OR4K1: variants seen among roughly 807,000 people sequenced by gnomAD.
OR4K1 encodes olfactory receptor family 4 subfamily K member 1.
In OR4K1, 16 loss-of-function variants were observed where a neutral mutation model predicts 14.4. The observed-to-expected ratio is 1.11, with a 90% CI of 0.75 to 1.68. The LOEUF (loss-of-function observed/expected upper bound fraction) is 1.68, where lower values mean the gene tolerates loss of function less well. Among genes scored for constraint, OR4K1 ranks in the 40% most tolerant of loss-of-function variants. The pLI is 0.00. For synonymous variants in OR4K1, 181 were observed against 133.1 expected (o/e 1.36, Z -2.48); for missense variants, 548 against 376.9 (o/e 1.45, Z -3.76).
chr14:19,936,678 T>C lies in OR4K1; in HGVS notation c.*76T>C. 2 of 1,347,688 alleles carry C rather than the reference T, an allele frequency of 1.5e-6. No homozygotes were observed. The highest frequency in any genetic ancestry group is 1.9e-4 in the Middle Eastern group (1 of 5,358). 83.5% of individuals were successfully genotyped at this position (1,347,688 alleles called of 1,614,324 possible). A position where few individuals can be genotyped will look rare whatever the true frequency, so the allele number is the denominator to read the frequency against. Reference sequence around the variant, plus strand: ...GTATCATAGTGTCATGCCAACCATCTTTGCCAGACATATGGGTTATTGAGT... The same window carrying C: ...GTATCATAGTGTCATGCCAACCATCCTTGCCAGACATATGGGTTATTGAGT... On this transcript the variant is annotated 3_prime_UTR_variant, in exon 2 of 2. Transcript: ENST00000641172.
In OR4K1 at chr14:19,936,667, T is replaced by G. The variant is rs1467379135; in HGVS notation, c.*65T>G. The G allele has an allele frequency of 2.8e-6, 4 of 1,423,184 alleles. No individual in the cohort carries two copies. The Admixed American group carries it at 7.1e-5, about 25-fold the overall frequency. The allele number at this position is 1,423,184 out of a possible 1,614,324, so 88.2% of individuals were successfully genotyped here. The stretch of plus-strand genomic sequence containing the variant: ...GACCCTCCAGTGTATCATAGTGTCA[T>G]GCCAACCATCTTTGCCAGACATATG... On this transcript the variant is annotated 3_prime_UTR_variant, in exon 2 of 2. Coordinates refer to ENST00000641172, the MANE Select transcript of OR4K1 (RefSeq NM_001004063.3).
In OR4K1 at chr14:19,936,065, T is replaced by C. The variant is rs1369592149; in HGVS notation, c.399T>C (p.Ser133=). 1 of 1,614,144 alleles carries C rather than the reference T, an allele frequency of 6.2e-7. No individual in the cohort carries two copies. The highest frequency in any genetic ancestry group is 2.2e-5 in the East Asian group (1 of 44,908). Residue 133 remains serine, a synonymous_variant, in exon 2 of 2, where the codon AGT becomes AGC. Coordinates refer to ENST00000641172, the MANE Select transcript of OR4K1 (RefSeq NM_001004063.3). ...CCATATGTAAGCCTCTGCACTACAG[T>C]ACAATTATGAACCGGAGGCTCTGTG... ...FIAICKPLHY[S]TIMNRRLCVI... is the part of the protein sequence containing the mutation.
chr14:19,926,366 T>C (rs1277659854), upstream of OR4K1, among the ~76,000 whole-genome samples: 2 of 152,256 alleles, frequency 1.3e-5, no homozygotes, highest in Non-Finnish European at 2.9e-5. Flanking sequence ...GGGAACTTAA[T>C]GGTCATGATA....
chr14:19,935,908 T>C lies in OR4K1; in HGVS notation c.242T>C (p.Met81Thr), dbSNP rs137923524. 22 of 1,614,126 alleles carry C rather than the reference T, an allele frequency of 1.4e-5. No individual in the cohort carries two copies. The highest frequency in any genetic ancestry group is 1.8e-5 in the Non-Finnish European group (21 of 1,180,040). The part of the protein sequence containing the change: ...ICQSNFATPK[M>T]LVDFFIERKT... Reference sequence around the variant, plus strand: ...CAGTCTAACTTTGCCACCCCCAAGATGCTTGTAGACTTTTTTATTGAGCGC... The same window carrying C: ...CAGTCTAACTTTGCCACCCCCAAGACGCTTGTAGACTTTTTTATTGAGCGC... The change falls in exon 2 of 2, where the codon ATG (methionine) becomes ACG (threonine). Residue 81 changes from methionine to threonine, a missense_variant. Physicochemically the swap from Met to Thr is moderately conservative, Grantham distance 81 (BLOSUM62 -1). Transcript: ENST00000641172.
chr14:19,936,687 C>A lies in OR4K1; in HGVS notation c.*85C>A. On this transcript the variant is annotated 3_prime_UTR_variant, in exon 2 of 2. Coordinates refer to ENST00000641172, the MANE Select transcript of OR4K1 (RefSeq NM_001004063.3). ...TGTCATGCCAACCATCTTTGCCAGA[C>A]ATATGGGTTATTGAGTTACAGAATT... is the stretch of plus-strand genomic sequence containing the variant. 1.6e-6 allele frequency: 2 copies of A among 1,260,984 alleles called. No individual in the cohort carries two copies. The highest frequency in any genetic ancestry group is 2.2e-6 in the Non-Finnish European group (2 of 923,602). 78.1% of individuals were successfully genotyped at this position (1,260,984 alleles called of 1,614,324 possible).
At chr14:19,920,868 G>A in the OR4K1 span, 1 of 1,614,170 alleles carries the variant, frequency 6.2e-7, no homozygotes, top group East Asian at 2.2e-5. Flanking sequence ...TTTTCTGAGT[G>A]CACACGAGAC....
At chr14:19,929,644 A>G (rs1240327968), upstream of OR4K1, among the ~76,000 whole-genome samples, 1 of 152,220 alleles carries the variant, frequency 6.6e-6, no homozygotes, top group Non-Finnish European at 1.5e-5. Flanking sequence ...TGGAATTATT[A>G]GGAGGATTTG....
upstream of OR4K1, among the ~76,000 whole-genome samples, chr14:19,926,136 T>C (rs966516064): frequency 3.3e-5 from 5 of 152,264 alleles, no homozygotes; most frequent in Admixed American, 6.5e-5. Flanking sequence ...ATTTGCAATA[T>C]CTTGAAATTC....
chr14:19,922,039 G>C, the OR4K1 span, among the ~76,000 whole-genome samples: 1 of 151,612 alleles, frequency 6.6e-6, no homozygotes, highest in Non-Finnish European at 1.5e-5. Flanking sequence ...AACTGCTTAA[G>C]TTCAAGTGGA....
rs1882310674 is a variant in OR4K1 at position 19,936,081 on chromosome 14, A to G, written c.415A>G (p.Arg139Gly). The change falls in exon 2 of 2, where the codon AGG becomes GGG. Residue 139 changes from arginine to glycine, a missense_variant. Physicochemically the swap from Arg to Gly is moderately radical, Grantham distance 125. Coordinates refer to ENST00000641172, the MANE Select transcript of OR4K1 (RefSeq NM_001004063.3). ...PLHYSTIMNR[R>G]LCVIFVSISW... ...GCACTACAGTACAATTATGAACCGG[A>G]GGCTCTGTGTAATTTTTGTGTCTAT... is the stretch of plus-strand genomic sequence containing the variant. 3.1e-6 allele frequency: 5 copies of G among 1,614,084 alleles called. No individual in the cohort carries two copies. Among genetic ancestry groups the G allele is most frequent in the Non-Finnish European group, 1.7e-6 (2 of 1,180,036 alleles).
At chr14:19,922,915 T>C in the OR4K1 span, among the ~76,000 whole-genome samples, 1 of 152,246 alleles carries the variant, frequency 6.6e-6, no homozygotes, top group Non-Finnish European at 1.5e-5. Flanking sequence ...GAAAATTTAA[T>C]GTGGTTGGAT....
At chr14:19,931,753 G>C (rs1404916756) in intron 1 of OR4K1, among the ~76,000 whole-genome samples, 2 of 152,296 alleles carry the variant, frequency 1.3e-5, no homozygotes, top group African/African-American at 4.8e-5. Context: ...TGTATTTTGG[G>C]ATCTGAAAAC....
Position 19,936,669 on chromosome 14 carries a change from C to A in OR4K1, c.*67C>A. 7.1e-7 allele frequency: 1 copy of A among 1,410,272 alleles called. No homozygotes were observed. The highest frequency in any genetic ancestry group is 2.3e-5 in the East Asian group (1 of 43,266). The allele number at this position is 1,410,272 out of a possible 1,614,324, so 87.4% of individuals were successfully genotyped here. A position where few individuals can be genotyped will look rare whatever the true frequency, so the allele number is the denominator to read the frequency against. Reference sequence around the variant, plus strand: ...CCCTCCAGTGTATCATAGTGTCATGCCAACCATCTTTGCCAGACATATGGG... The same window carrying A: ...CCCTCCAGTGTATCATAGTGTCATGACAACCATCTTTGCCAGACATATGGG... On this transcript the variant is annotated 3_prime_UTR_variant, in exon 2 of 2. Coordinates refer to ENST00000641172, the MANE Select transcript of OR4K1 (RefSeq NM_001004063.3).
chr14:19,924,312 A>T, the OR4K1 span, among the ~76,000 whole-genome samples: 2 of 148,554 alleles, frequency 1.3e-5, no homozygotes, highest in Non-Finnish European at 3.0e-5. Flanking sequence ...AGGCAGGAGA[A>T]TCGCTTGAAC....
chr14:19,920,843 T>C, the OR4K1 span: 2 of 1,614,212 alleles, frequency 1.2e-6, no homozygotes, highest in Non-Finnish European at 8.5e-7. Context: ...TTGCTACCCC[T>C]AAAATGATTG....
upstream of OR4K1, among the ~76,000 whole-genome samples, chr14:19,930,070 A>G (rs550022726): frequency 2.6e-5 from 4 of 152,294 alleles, no homozygotes; most frequent in Admixed American, 1.3e-4. Context: ...TTATTTAACA[A>G]TTTTAATTAT....
At chr14:19,932,628 G>T (rs1306032630) in intron 1 of OR4K1, among the ~76,000 whole-genome samples, 1 of 152,226 alleles carries the variant, frequency 6.6e-6, no homozygotes, top group Non-Finnish European at 1.5e-5. Flanking sequence ...AGCTTTGTTT[G>T]TCCAAAAGCA....
chr14:19,934,953 A>G (rs1400610068), intron 1 of OR4K1, among the ~76,000 whole-genome samples: 1 of 152,204 alleles, frequency 6.6e-6, no homozygotes, highest in African/African-American at 2.4e-5. Context: ...GATTACAGGC[A>G]TGACCCACCG....
At chr14:19,921,225 TC>T in the OR4K1 span, 2 of 1,614,076 alleles carry the variant, frequency 1.2e-6, no homozygotes, top group African/African-American at 2.7e-5. Context: ...TGGAATTCTT[TC>T]CCTAAGCACT....
Sources: allele counts gnomAD v4.1 joint callset (sites outside exome capture counted in the v4.1 genomes callset), GRCh38; gene constraint gnomAD v4.1.1; transcripts MANE v1.5; gene names NCBI Gene and HGNC (gene_info 2026-07-23, HGNC 2026-07-21).